Variants in MARCHF8 observed in about 807,000 individuals in gnomAD.
The protein encoded by MARCHF8 is membrane associated ring-CH-type finger 8, also known as E3 ubiquitin-protein ligase MARCHF8.
In MARCHF8, 40 loss-of-function variants were observed where a neutral mutation model predicts 51.6. The observed-to-expected ratio is 0.77, with a 90% CI of 0.60 to 1.01. The LOEUF (loss-of-function observed/expected upper bound fraction) is 1.01, where lower values mean the gene tolerates loss of function less well. Ranked by LOEUF, MARCHF8 falls within the 50% of genes least tolerant of loss-of-function variation. MARCHF8 has a pLI of 0.00. For synonymous variants in MARCHF8, 263 were observed against 280.3 expected (o/e 0.94, Z 0.62); for missense variants, 685 against 708.6 (o/e 0.97, Z 0.38).
rs2043044634 is a variant in MARCHF8, at chr10:45,489,493, A to G, written c.103-76T>C. On this transcript the variant is annotated intron_variant, in intron 2 of 7. Coordinates refer to ENST00000453424, the MANE Select transcript of MARCHF8 (RefSeq NM_001282866.2). ...CAAAGAACAAGTAATTGATCACAAC[A>G]ACCCTACTGACAAATCATTCCCTGA... is the stretch of plus-strand genomic sequence containing the variant. 2.3e-6 allele frequency: 3 copies of G among 1,280,354 alleles called. No individual in the cohort carries two copies. In the East Asian group the frequency reaches 7.0e-5, roughly 30 times the overall value. The allele number at this position is 1,280,354 out of a possible 1,614,324, so 79.3% of individuals were successfully genotyped here.
At position 45,533,189 on chromosome 10, in the gene MARCHF8, A is replaced by G; in HGVS notation, c.23T>C (p.Ile8Thr). Reference protein sequence around the residue: MSMPLHQISAIPSQDAIS... With the variant: MSMPLHQTSAIPSQDAIS... The stretch of plus-strand genomic sequence containing the variant: ...GGCATCCTGGGATGGAATGGCAGAG[A>G]TCTGATGCAGTGGCATGCTCATCCC... The change falls in exon 2 of 8, where the codon ATC becomes ACC. Residue 8 changes from isoleucine (I) to threonine (T), a missense_variant. Coordinates refer to ENST00000453424, the MANE Select transcript of MARCHF8 (RefSeq NM_001282866.2). The G allele has an allele frequency of 6.2e-7, 1 of 1,611,766 alleles. No individual in the cohort carries two copies. The highest frequency in any genetic ancestry group is 8.5e-7 in the Non-Finnish European group (1 of 1,178,986).
Position 45,517,058 on chromosome 10 carries a change from G to A in MARCHF8, c.102+16052C>T, listed in dbSNP as rs144911667. On this transcript the variant is annotated intron_variant, in intron 2 of 7. Coordinates refer to ENST00000453424, the MANE Select transcript of MARCHF8 (RefSeq NM_001282866.2). ...TAAAAGCAAATTAAAAGGACAGACA[G>A]TTTGGCACAATGGTGGCAACAGTGG... Among the ~76,000 whole-genome samples the A allele has an allele frequency of 2.4e-3, 358 of 152,336 alleles. 2 individuals carry two copies. Among genetic ancestry groups the A allele is most frequent in the African/African-American group, 8.1e-3 (337 of 41,576 alleles).
intron 1 of MARCHF8, among the ~76,000 whole-genome samples, chr10:45,575,425 T>C (rs1039631773): frequency 1.3e-5 from 2 of 152,176 alleles, no homozygotes; most frequent in Non-Finnish European, 2.9e-5. Context: ...TCTCCTCTTA[T>C]TCTGTTTAGT....
chr10:45,459,959 C>T (rs1842734317), intron 6 of MARCHF8: 1 of 911,352 alleles, frequency 1.1e-6, no homozygotes. Flanking sequence ...CCTTTGCCAA[C>T]CCTAGTCACA....
At chr10:45,555,516 C>A (rs778845604) in intron 1 of MARCHF8, among the ~76,000 whole-genome samples, 3 of 151,580 alleles carry the variant, frequency 2.0e-5, no homozygotes, top group Non-Finnish European at 4.4e-5. Context: ...GTAGGAAAAT[C>A]TCTTGAGGGC....
intron 5 of MARCHF8, among the ~76,000 whole-genome samples, chr10:45,462,623 T>TG (rs1378588708): frequency 7.0e-6 from 1 of 142,398 alleles, no homozygotes; most frequent in Non-Finnish European, 1.6e-5. Context: ...TTTTTTTTTT[T>TG]GTTTTGTTTT....
At chr10:45,467,351 G>A (rs764972588) in intron 3 of MARCHF8, among the ~76,000 whole-genome samples, 16 of 152,136 alleles carry the variant, frequency 1.1e-4, no homozygotes, top group Non-Finnish European at 2.2e-4. Flanking sequence ...TCCAATAAAA[G>A]CAAGAAAACC....
intron 1 of MARCHF8, among the ~76,000 whole-genome samples, chr10:45,540,441 G>C (rs1483922019): frequency 6.6e-6 from 1 of 152,120 alleles, no homozygotes; most frequent in Non-Finnish European, 1.5e-5. Flanking sequence ...AGACTTACAT[G>C]TTAGACCTAA....
At chr10:45,489,462 A>G in intron 2 of MARCHF8, 45 bp from the exon 3 acceptor site, 1 of 1,515,664 alleles carries the variant, frequency 6.6e-7, no homozygotes, top group Non-Finnish European at 9.1e-7. Context: ...CTTTGATTAA[A>G]ATATGCAAAG....
intron 2 of MARCHF8, among the ~76,000 whole-genome samples, chr10:45,504,453 C>T (rs1007743909): frequency 5.9e-5 from 9 of 152,178 alleles, no homozygotes; most frequent in Non-Finnish European, 1.0e-4. Context: ...TCGAAAAAAA[C>T]TAAGATCCAA....
Position 45,459,224 on chromosome 10 carries a change from A to G in MARCHF8, c.1313T>C (p.Met438Thr). Residue 438 changes from methionine to threonine, a missense_variant, in exon 7 of 8, where the codon ATG (methionine) becomes ACG (threonine). Physicochemically the swap from Met to Thr is moderately conservative, Grantham distance 81. Transcript: ENST00000453424. The part of the protein sequence containing the change: ...QMTSSERRKI[M>T]CSVTFHVIAI... ...AATGACGTGGAATGTCACTGAGCAC[A>G]TGATCTTCCTGCGCTCGCTGGACGT... 2.5e-6 allele frequency: 4 copies of G among 1,614,130 alleles called. No homozygotes were observed. The highest frequency in any genetic ancestry group is 1.6e-4 in the Middle Eastern group (1 of 6,062).
At chr10:45,537,448 T>C (rs1374061647), upstream of MARCHF8, among the ~76,000 whole-genome samples, 5 of 151,416 alleles carry the variant, frequency 3.3e-5, no homozygotes, top group South Asian at 1.0e-3. Context: ...AGCCCAGGAG[T>C]TCCAGACCAG....
intron 1 of MARCHF8, among the ~76,000 whole-genome samples, chr10:45,589,447 C>CA (rs2044654183): frequency 6.6e-6 from 1 of 152,150 alleles, no homozygotes; most frequent in African/African-American, 2.4e-5. Flanking sequence ...TGCAGGTGTG[C>CA]AATTCAATAG....
chr10:45,474,776 T>C (rs1012539573), intron 3 of MARCHF8, among the ~76,000 whole-genome samples: 1 of 152,058 alleles, frequency 6.6e-6, no homozygotes, highest in Non-Finnish European at 1.5e-5. Context: ...GAGAGGGCAG[T>C]CAGGCAAGGC....
At chr10:45,469,553 T>C (rs1426765502) in intron 3 of MARCHF8, among the ~76,000 whole-genome samples, 1 of 152,116 alleles carries the variant, frequency 6.6e-6, no homozygotes, top group Non-Finnish European at 1.5e-5. Context: ...TATGCAAAAG[T>C]GAACTGGGTT....
At chr10:45,534,620 A>G (rs1452103704) in intron 1 of MARCHF8, among the ~76,000 whole-genome samples, 1 of 152,238 alleles carries the variant, frequency 6.6e-6, no homozygotes, top group Non-Finnish European at 1.5e-5. Flanking sequence ...AAATTTTAAC[A>G]GAAAATGGAA....
chr10:45,591,201 C>T (rs71496625), intron 1 of MARCHF8, among the ~76,000 whole-genome samples: 9,396 of 152,296 alleles, frequency 0.062, 333 homozygotes, highest in Non-Finnish European at 0.067. Flanking sequence ...CCAGGTGAAA[C>T]AGACAGCCTT....
At chr10:45,492,683 C>T (rs1408460890) in intron 2 of MARCHF8, among the ~76,000 whole-genome samples, 1 of 152,180 alleles carries the variant, frequency 6.6e-6, no homozygotes, top group Non-Finnish European at 1.5e-5. Flanking sequence ...GAAAGCAAGT[C>T]CCAAAACTCA....
chr10:45,466,414 C>T (rs765131178), intron 3 of MARCHF8, among the ~76,000 whole-genome samples: 1 of 152,168 alleles, frequency 6.6e-6, no homozygotes, highest in Non-Finnish European at 1.5e-5. Flanking sequence ...GAGAAGTAAG[C>T]GTCTTCATCA....
Sources: gnomAD v4.1 joint callset for allele counts (sites outside exome capture counted in the v4.1 genomes callset) on GRCh38, gnomAD v4.1.1 for gene constraint, MANE v1.5 for transcripts, NCBI Gene and HGNC (gene_info 2026-07-23, HGNC 2026-07-21) for gene names.